Variants in MAML3 observed in about 807,000 individuals in gnomAD.
MAML3 encodes the protein mastermind-like protein 3.
A neutral mutation model predicts 101.9 loss-of-function variants in MAML3; 27 were observed. The observed-to-expected ratio is 0.27, with a 90% CI of 0.20 to 0.37. The LOEUF is 0.37. Among genes scored for constraint, MAML3 ranks in the 10% least tolerant of loss-of-function variants. The pLI, the probability that MAML3 is intolerant of heterozygous loss-of-function variation, is 1.00. For missense variants in MAML3, 1,316 were observed against 1,444.9 expected (o/e 0.91, Z 1.45); for synonymous variants, 501 against 555.9 (o/e 0.90, Z 1.39).
rs1730225542 is a variant in MAML3 at position 139,782,047 on chromosome 4, G to A, written c.2080-51380C>T. On this transcript the variant is annotated intron_variant, in intron 2 of 4. Coordinates refer to ENST00000509479, the MANE Select transcript of MAML3 (RefSeq NM_018717.5). Reference sequence around the variant, plus strand: ...AACTTGTTGAGGAGTGGAAGGGAGGGGACAAAGAGATCTGAGTAATAAATC... The same window carrying A: ...AACTTGTTGAGGAGTGGAAGGGAGGAGACAAAGAGATCTGAGTAATAAATC... Among the ~76,000 whole-genome samples the A allele has an allele frequency of 1.3e-5, 2 of 151,974 alleles. 1 individual carries two copies. Among genetic ancestry groups the A allele is most frequent in the South Asian group, 4.2e-4 (2 of 4,818 alleles).
chr4:140,092,395 ACTC>A, intron 1 of MAML3, among the ~76,000 whole-genome samples: 1 of 151,628 alleles, frequency 6.6e-6, no homozygotes, highest in Admixed American at 6.6e-5. Context: ...TCCTTCACCT[ACTC>A]CTACTCCTCA....
At chr4:139,974,300 T>G (rs1734288339) in intron 1 of MAML3, among the ~76,000 whole-genome samples, 1 of 151,956 alleles carries the variant, frequency 6.6e-6, no homozygotes, top group East Asian at 1.9e-4. Flanking sequence ...AGAGACAGGG[T>G]TTCACAGTGT....
intron 1 of MAML3, among the ~76,000 whole-genome samples, chr4:140,105,182 T>C (rs918206626): frequency 2.6e-5 from 4 of 152,146 alleles, no homozygotes; most frequent in African/African-American, 9.7e-5. Context: ...CCTGAGAAAA[T>C]TGTGTCCTAT....
chr4:140,048,848 G>A (rs7678399), intron 1 of MAML3, among the ~76,000 whole-genome samples: 146,519 of 152,234 alleles, frequency 0.96, 70,751 homozygotes, highest in East Asian at 1. Flanking sequence ...ACGATATACG[G>A]AATACTTTGC....
At chr4:139,844,397 C>T (rs945874533) in intron 2 of MAML3, among the ~76,000 whole-genome samples, 11 of 152,136 alleles carry the variant, frequency 7.2e-5, no homozygotes, top group African/African-American at 2.7e-4. Flanking sequence ...AATTAGATGC[C>T]ACTGTTTAGA....
chr4:140,047,052 T>C (rs1303612651), intron 1 of MAML3, among the ~76,000 whole-genome samples: 1 of 152,082 alleles, frequency 6.6e-6, no homozygotes. Flanking sequence ...AGATGCCGTC[T>C]GAGAGACTGG....
At chr4:140,065,546 T>C (rs577654701) in intron 1 of MAML3, among the ~76,000 whole-genome samples, 1 of 152,170 alleles carries the variant, frequency 6.6e-6, no homozygotes, top group South Asian at 2.1e-4. Context: ...ATAAACTCGA[T>C]GCAGACAGTC....
intron 1 of MAML3, among the ~76,000 whole-genome samples, chr4:139,918,269 A>G (rs143857314): frequency 6.6e-6 from 1 of 152,306 alleles, no homozygotes; most frequent in East Asian, 1.9e-4. Flanking sequence ...TCTGAAAGTC[A>G]AACTTGCCTA....
intron 2 of MAML3, among the ~76,000 whole-genome samples, chr4:139,741,552 C>T (rs1412520994): frequency 6.6e-6 from 1 of 151,880 alleles, no homozygotes; most frequent in African/African-American, 2.4e-5. Flanking sequence ...AGTTCAGGAC[C>T]AGCCTGGGCA....
At chr4:139,976,730 G>A (rs1035326505) in intron 1 of MAML3, among the ~76,000 whole-genome samples, 8 of 152,040 alleles carry the variant, frequency 5.3e-5, no homozygotes, top group Non-Finnish European at 7.4e-5. Flanking sequence ...TTTTTTAGAG[G>A]CATTTGCTTA....
chr4:139,933,433 G>A (rs1260322008), intron 1 of MAML3, among the ~76,000 whole-genome samples: 5 of 152,202 alleles, frequency 3.3e-5, no homozygotes, highest in Non-Finnish European at 7.3e-5. Flanking sequence ...TAGGAGCAAG[G>A]GGTGGGGACA....
intron 1 of MAML3, among the ~76,000 whole-genome samples, chr4:139,893,775 A>G (rs1732550743): frequency 6.6e-6 from 1 of 152,170 alleles, no homozygotes. Flanking sequence ...GGATTTATCA[A>G]TTATAAACCT....
rs1345103295 is a variant in MAML3, at chr4:140,153,552, G to A, written c.-225C>T. ...TGTAAAAGCTCAAGGGGAAGAAAAG[G>A]GGGGAACGTTATCGGAATACCATCA... On this transcript the variant is annotated 5_prime_UTR_variant, in exon 1 of 5. Transcript: ENST00000509479. 3.9e-6 allele frequency: 2 copies of A among 517,016 alleles called. No individual in the cohort carries two copies. The highest frequency in any genetic ancestry group is 6.4e-5 in the East Asian group (2 of 31,218). The allele number at this position is 517,016 out of a possible 1,614,324, so 32.0% of individuals were successfully genotyped here. A position where few individuals can be genotyped will look rare whatever the true frequency, so the allele number is the denominator to read the frequency against.
intron 1 of MAML3, among the ~76,000 whole-genome samples, chr4:140,077,485 G>T (rs376209413): frequency 2.6e-5 from 4 of 152,106 alleles, no homozygotes; most frequent in African/African-American, 9.6e-5. Context: ...TTGAATTTTC[G>T]AGCCAAACAG....
intron 1 of MAML3, among the ~76,000 whole-genome samples, chr4:139,970,232 G>A (rs960341506): frequency 5.3e-5 from 8 of 152,164 alleles, no homozygotes; most frequent in African/African-American, 9.7e-5. Context: ...CAGGCTTCAC[G>A]GACAAGGTAG....
At chr4:140,001,982 A>G (rs114462483) in intron 1 of MAML3, among the ~76,000 whole-genome samples, 2,898 of 152,326 alleles carry the variant, frequency 0.019, 96 homozygotes, top group African/African-American at 0.066. Context: ...CATGTTTTGA[A>G]ATATGTATAC....
intron 2 of MAML3, among the ~76,000 whole-genome samples, chr4:139,784,574 G>A (rs546282062): frequency 6.6e-6 from 1 of 152,260 alleles, no homozygotes; most frequent in South Asian, 2.1e-4. Flanking sequence ...TCTTGTGCGC[G>A]TGTGTGGGTC....
At chr4:139,924,199 T>C (rs1733178926) in intron 1 of MAML3, among the ~76,000 whole-genome samples, 1 of 152,182 alleles carries the variant, frequency 6.6e-6, no homozygotes, top group African/African-American at 2.4e-5. Flanking sequence ...AATCCAGAGA[T>C]AGTGGCTGAA....
At chr4:139,917,915 CCTTTA>C (rs2111230979) in intron 1 of MAML3, among the ~76,000 whole-genome samples, 1 of 152,296 alleles carries the variant, frequency 6.6e-6, no homozygotes, top group East Asian at 1.9e-4. Context: ...TAGACATCTT[CCTTTA>C]CTTTACAGAA....
Sources: allele counts gnomAD v4.1 joint callset (sites outside exome capture counted in the v4.1 genomes callset), GRCh38; gene constraint gnomAD v4.1.1; transcripts MANE v1.5; gene names NCBI Gene and HGNC (gene_info 2026-07-23, HGNC 2026-07-21).